Variants in HTT observed in about 807,000 individuals in gnomAD.
HTT encodes the protein huntington disease protein.
In HTT, 104 loss-of-function variants were observed where a neutral mutation model predicts 362.3. That is an observed-to-expected ratio of 0.29 (90% CI 0.24 to 0.34). The LOEUF is 0.34. HTT is among the 10% of genes least tolerant of loss of function. The probability of loss-of-function intolerance (pLI) is 1.00; values close to 1 mark genes in which losing one functional copy is unlikely to be tolerated. For missense variants in HTT, 3,301 were observed against 3,928.6 expected, an observed-to-expected ratio of 0.84 and a Z score of 4.27; for synonymous variants, 1,577 against 1,548.7, an observed-to-expected ratio of 1.02 and a Z score of -0.43.
At chr4:3,112,388 T>TA (rs1224742539) in intron 6 of HTT, among the ~76,000 whole-genome samples, 2 of 152,168 alleles carry the variant, frequency 1.3e-5, no homozygotes, top group Non-Finnish European at 2.9e-5. Context: ...GACAGAATAT[T>TA]ACCAAGCACT....
Position 3,099,276 on chromosome 4 carries a change from A to G in HTT, c.350A>G (p.Asn117Ser). The change falls in exon 3 of 67, where the codon AAT becomes AGT. Residue 117 changes from asparagine (N) to serine (S), a missense_variant and splice_region_variant. Physicochemically the swap from Asn to Ser is conservative, Grantham distance 46. Around this residue, in one of 4 missense-constraint regions of HTT, gnomAD observed 2,316 missense variants for 2,658.5 expected, o/e 0.87. Transcript: ENST00000355072. ...GTTTCTCTTCTTTTTTTGCTTAGAAATTCTCCAGAATTTCAGAAACTTCTG... is the reference window on the plus strand; with the variant it reads ...GTTTCTCTTCTTTTTTTGCTTAGAAGTTCTCCAGAATTTCAGAAACTTCTG... The part of the protein sequence containing the change: ...CENIVAQSVR[N>S]SPEFQKLLGI... The G allele has an allele frequency of 6.2e-7, 1 of 1,612,018 alleles. No individual in the cohort carries two copies. Among genetic ancestry groups the G allele is most frequent in the Non-Finnish European group, 8.5e-7 (1 of 1,178,510 alleles).
At chr4:3,202,401 A>G (rs1719625241) in intron 41 of HTT, among the ~76,000 whole-genome samples, 1 of 152,314 alleles carries the variant, frequency 6.6e-6, no homozygotes, top group East Asian at 1.9e-4. Context: ...TCATTACCCT[A>G]TAGCTGTATT....
At chr4:3,077,494 A>G (rs747943152) in intron 1 of HTT, among the ~76,000 whole-genome samples, 9 of 152,190 alleles carry the variant, frequency 5.9e-5, no homozygotes, top group Non-Finnish European at 1.0e-4. Flanking sequence ...ATCTCGGCTC[A>G]CTGCAGTCTC....
chr4:3,195,291 T>C (rs1391701845), intron 40 of HTT, among the ~76,000 whole-genome samples: 1 of 152,232 alleles, frequency 6.6e-6, no homozygotes, highest in African/African-American at 2.4e-5. Context: ...GCATTCTTTA[T>C]TTCCAATTCC....
intron 49 of HTT, 55 bp from the exon 50 acceptor site, chr4:3,213,903 T>C: frequency 7.0e-7 from 1 of 1,427,036 alleles, no homozygotes; most frequent in Non-Finnish European, 9.3e-7. Flanking sequence ...TTCACACGGC[T>C]TCCCCAAACG....
intron 9 of HTT, among the ~76,000 whole-genome samples, chr4:3,122,267 C>T (rs531756501): frequency 1.6e-4 from 25 of 152,330 alleles, no homozygotes; most frequent in Middle Eastern, 6.8e-3. Flanking sequence ...GAGCTGGATC[C>T]CAGCCTCTAC....
At chr4:3,181,009 T>C (rs1171145298) in intron 36 of HTT, among the ~76,000 whole-genome samples, 1 of 151,800 alleles carries the variant, frequency 6.6e-6, no homozygotes, top group Non-Finnish European at 1.5e-5. Flanking sequence ...CCCGAGTAGC[T>C]GGGATTACAG....
At chr4:3,212,761 T>C in intron 49 of HTT, 52 bp downstream of exon 49, 1 of 1,596,556 alleles carries the variant, frequency 6.3e-7, no homozygotes, top group Non-Finnish European at 8.6e-7. Flanking sequence ...GGCATGGGGC[T>C]GACACTGAAG....
rs1718174965 is a variant in HTT at position 3,175,041 on chromosome 4, G to A, written c.4341G>A (p.Gln1447=). 1.2e-6 allele frequency: 2 copies of A among 1,614,106 alleles called. No homozygotes were observed. The highest frequency in any genetic ancestry group is 1.1e-5 in the South Asian group (1 of 91,078). ...TTTTCVQLQK[Q]VLDLLAQLVQ... The stretch of plus-strand genomic sequence containing the variant: ...CAACATGTGTGCAGTTACAGAAGCA[G>A]GTTTTAGATTTGCTGGCGCAGCTGG... The change falls in exon 33 of 67, where the codon CAG becomes CAA. Residue 1447 remains glutamine, a synonymous_variant. Transcript: ENST00000355072.
At chr4:3,211,221 A>C (rs765898425) in intron 47 of HTT, among the ~76,000 whole-genome samples, 10 of 152,282 alleles carry the variant, frequency 6.6e-5, no homozygotes, top group Non-Finnish European at 1.2e-4. Context: ...GTTTATCTTA[A>C]GATTCATGCA....
intron 29 of HTT, among the ~76,000 whole-genome samples, chr4:3,161,622 C>A (rs1488676438): frequency 6.6e-6 from 1 of 152,158 alleles, no homozygotes; most frequent in African/African-American, 2.4e-5. Flanking sequence ...TCCTAACTGG[C>A]GTGAGATGGT....
intron 8 of HTT, 105 bp downstream of exon 8, chr4:3,116,368 A>G: frequency 1.0e-6 from 1 of 967,068 alleles, no homozygotes. Flanking sequence ...AGAGGTGTGG[A>G]CTCTGGAGCT....
intron 31 of HTT, among the ~76,000 whole-genome samples, chr4:3,173,900 T>G (rs1451857464): frequency 1.3e-5 from 2 of 152,164 alleles, no homozygotes; most frequent in East Asian, 3.9e-4. Context: ...CTCGATCTCC[T>G]GACCTCGTGA....
intron 29 of HTT, among the ~76,000 whole-genome samples, chr4:3,162,994 G>A (rs901382690): frequency 6.6e-6 from 1 of 152,186 alleles, no homozygotes; most frequent in African/African-American, 2.4e-5. Context: ...GGGCATCCTT[G>A]TCTTGTGCCG....
At chr4:3,115,975 C>T in intron 7 of HTT, 110 bp from the exon 8 acceptor site, 11 of 990,800 alleles carry the variant, frequency 1.1e-5, no homozygotes, top group Non-Finnish European at 1.7e-5. Flanking sequence ...CGTTCATGAT[C>T]ATGTTTGTGC....
At chr4:3,182,243 TTTGGATCCTAGAGTCTTCCAG>T in intron 36 of HTT, 90 bp from the exon 37 acceptor site, 1 of 696,726 alleles carries the variant, frequency 1.4e-6, no homozygotes, top group Non-Finnish European at 2.6e-6. Flanking sequence ...ATCACATCTG[TTTGGATCCTAGAGTCTTCCAG>T]CTGAACTGGG....
At chr4:3,117,300 A>G (rs965437041) in intron 8 of HTT, among the ~76,000 whole-genome samples, 1 of 152,170 alleles carries the variant, frequency 6.6e-6, no homozygotes, top group Non-Finnish European at 1.5e-5. Context: ...AGCCATGGTA[A>G]TAATACATTT....
In HTT at chr4:3,130,022, G is replaced by A. The variant is rs1006728995; in HGVS notation, c.1842G>A (p.Ser614=). The change falls in exon 13 of 67, where the codon TCG becomes TCA. Residue 614 remains serine (S), a synonymous_variant. Coordinates refer to ENST00000355072, the MANE Select transcript of HTT (RefSeq NM_001388492.1). ...CAGGTATTCTTCCTGATGAAGCCTC[G>A]GAGGCCTTCAGGAACTCTTCCATGG... ...EATGILPDEA[S]EAFRNSSMAL... 7.4e-6 allele frequency: 12 copies of A among 1,612,452 alleles called. No homozygotes were observed. The highest frequency in any genetic ancestry group is 9.3e-6 in the Non-Finnish European group (11 of 1,179,182).
chr4:3,153,698 G>A (rs531062086), intron 26 of HTT, among the ~76,000 whole-genome samples: 9 of 152,246 alleles, frequency 5.9e-5, no homozygotes, highest in African/African-American at 1.7e-4. Context: ...TGAGATGGGA[G>A]GATCACTGGA....
Sources: gnomAD v4.1 joint callset for allele counts (sites outside exome capture counted in the v4.1 genomes callset) on GRCh38, gnomAD v4.1.1 for gene constraint, gnomAD v4.1.1 regional missense constraint, MANE v1.5 for transcripts, NCBI Gene and HGNC (gene_info 2026-07-23, HGNC 2026-07-21) for gene names.